SLC24A4: variants seen among roughly 807,000 people sequenced by gnomAD.
SLC24A4 encodes solute carrier family 24 member 4, also known as sodium/potassium/calcium exchanger 4.
Under a neutral mutation model 79.0 loss-of-function variants are expected in SLC24A4, and 53 were observed. The observed-to-expected ratio is 0.67, with a 90% CI of 0.54 to 0.84. The LOEUF is 0.84. Ranked by LOEUF, SLC24A4 falls within the 40% of genes least tolerant of loss-of-function variation. The probability of loss-of-function intolerance (pLI) is 0.00; values close to 1 mark genes in which losing one functional copy is unlikely to be tolerated. For synonymous variants in SLC24A4, 323 were observed against 323.8 expected, an observed-to-expected ratio of 1.00 and a Z score of 0.03; for missense variants, 731 against 822.0, an observed-to-expected ratio of 0.89 and a Z score of 1.35.
chr14:92,381,702 G>T (rs1365521472), intron 2 of SLC24A4, among the ~76,000 whole-genome samples: 1 of 152,072 alleles, frequency 6.6e-6, no homozygotes, highest in African/African-American at 2.4e-5. Context: ...TGCTTTGTTT[G>T]TATCCTTTTA....
At chr14:92,392,113 C>T (rs1243280513) in intron 2 of SLC24A4, among the ~76,000 whole-genome samples, 2 of 151,828 alleles carry the variant, frequency 1.3e-5, no homozygotes, top group African/African-American at 4.8e-5. Flanking sequence ...TTCCCGGGGC[C>T]CTATTGATGT....
At chr14:92,476,132 C>T (rs1325138314) in intron 12 of SLC24A4, among the ~76,000 whole-genome samples, 1 of 152,122 alleles carries the variant, frequency 6.6e-6, no homozygotes, top group East Asian at 1.9e-4. Flanking sequence ...TGTATATACC[C>T]GCAAAGACGT....
intron 2 of SLC24A4, among the ~76,000 whole-genome samples, chr14:92,401,131 CT>C (rs776809709): frequency 6.6e-6 from 1 of 152,276 alleles, no homozygotes; most frequent in Non-Finnish European, 1.5e-5. Flanking sequence ...GCTCATCCCC[CT>C]GTCTCATAAG....
At chr14:92,424,071 A>G (rs1891438298) in intron 2 of SLC24A4, among the ~76,000 whole-genome samples, 1 of 151,734 alleles carries the variant, frequency 6.6e-6, no homozygotes, top group Non-Finnish European at 1.5e-5. Context: ...TCGTCATCCC[A>G]TGCCTTGTTC....
At chr14:92,378,312 T>C (rs1337748882) in intron 2 of SLC24A4, among the ~76,000 whole-genome samples, 1 of 152,186 alleles carries the variant, frequency 6.6e-6, no homozygotes, top group Non-Finnish European at 1.5e-5. Flanking sequence ...AGAATAGAAT[T>C]GCTGGGTTGC....
At chr14:92,449,048 G>C (rs200909630) in intron 9 of SLC24A4, 26 bp from the exon 10 acceptor site, 11 of 1,613,060 alleles carry the variant, frequency 6.8e-6, no homozygotes, top group African/African-American at 6.7e-5. Flanking sequence ...CCATTGCCCT[G>C]ACCTCCTGCC....
At chr14:92,346,596 T>C (rs1259742210) in intron 2 of SLC24A4, among the ~76,000 whole-genome samples, 2 of 152,218 alleles carry the variant, frequency 1.3e-5, no homozygotes, top group Admixed American at 1.3e-4. Flanking sequence ...CAAGCTGTTA[T>C]TTATATTGCA....
At chr14:92,356,531 G>T (rs1296681907) in intron 2 of SLC24A4, among the ~76,000 whole-genome samples, 1 of 152,162 alleles carries the variant, frequency 6.6e-6, no homozygotes, top group Non-Finnish European at 1.5e-5. Flanking sequence ...GTGTGACCTT[G>T]GGCAAGTCAT....
At chr14:92,327,339 G>T (rs1885203164) in intron 2 of SLC24A4, among the ~76,000 whole-genome samples, 1 of 152,164 alleles carries the variant, frequency 6.6e-6, no homozygotes, top group African/African-American at 2.4e-5. Context: ...TGGTGGCCCA[G>T]CAGGCGGGGT....
rs1595231546 is a variant in SLC24A4, at chr14:92,407,078, A to G, written c.242-26834A>G. 2.0e-5 allele frequency among the ~76,000 whole-genome samples: 3 copies of G among 152,192 alleles called. No individual in the cohort carries two copies. In the East Asian group the frequency reaches 5.8e-4, roughly 29 times the overall value. On this transcript the variant is annotated intron_variant, in intron 2 of 16. Coordinates refer to ENST00000532405, the MANE Select transcript of SLC24A4 (RefSeq NM_153646.4). ...GCCACATCTTGAACACTTTGCTCTT[A>G]GGACTTTCTTTTGCTAGATACCCTA...
intron 2 of SLC24A4, among the ~76,000 whole-genome samples, chr14:92,327,493 C>G (rs1366344323): frequency 6.6e-6 from 1 of 152,230 alleles, no homozygotes; most frequent in East Asian, 1.9e-4. Context: ...TGCTGGGGGC[C>G]GTTCCCACCC....
chr14:92,377,357 C>T (rs1888574413), intron 2 of SLC24A4, among the ~76,000 whole-genome samples: 1 of 152,168 alleles, frequency 6.6e-6, no homozygotes, highest in Non-Finnish European at 1.5e-5. Context: ...CATAAAGTGC[C>T]TAGAGCATGA....
chr14:92,351,927 A>AGGAAG (rs1886913843), intron 2 of SLC24A4, among the ~76,000 whole-genome samples: 1 of 151,566 alleles, frequency 6.6e-6, no homozygotes, highest in Admixed American at 6.6e-5. Flanking sequence ...AGGAAAGGAA[A>AGGAAG]GGAAAGGAAA....
At chr14:92,326,226 T>C (rs867896079) in intron 2 of SLC24A4, among the ~76,000 whole-genome samples, 3 of 152,168 alleles carry the variant, frequency 2.0e-5, no homozygotes, top group Admixed American at 6.5e-5. Context: ...TGTTACTTTT[T>C]GTTCTCACAA....
intron 2 of SLC24A4, among the ~76,000 whole-genome samples, chr14:92,388,657 C>T (rs1889301130): frequency 6.6e-6 from 1 of 152,182 alleles, no homozygotes; most frequent in African/African-American, 2.4e-5. Flanking sequence ...CTCTGAGTAC[C>T]AAATGAGTAG....
At chr14:92,350,189 G>A (rs977424532) in intron 2 of SLC24A4, among the ~76,000 whole-genome samples, 10 of 152,188 alleles carry the variant, frequency 6.6e-5, no homozygotes, top group African/African-American at 2.2e-4. Flanking sequence ...GGTCATGTGC[G>A]GTTAAGTTCT....
intron 2 of SLC24A4, among the ~76,000 whole-genome samples, chr14:92,433,391 CA>C (rs574163923): frequency 7.2e-5 from 11 of 152,190 alleles, no homozygotes; most frequent in Non-Finnish European, 1.2e-4. Context: ...CTGTTATGAG[CA>C]ATATGGCTAT....
chr14:92,432,012 A>T (rs1891901142), intron 2 of SLC24A4, among the ~76,000 whole-genome samples: 1 of 152,214 alleles, frequency 6.6e-6, no homozygotes, highest in Non-Finnish European at 1.5e-5. Context: ...ACCTGAAAAC[A>T]GGAACGTTGA....
At chr14:92,333,198 A>G (rs1237618851) in intron 2 of SLC24A4, among the ~76,000 whole-genome samples, 1 of 152,036 alleles carries the variant, frequency 6.6e-6, no homozygotes, top group African/African-American at 2.4e-5. Flanking sequence ...GGTTCAAGCG[A>G]TTTTCCTGCC....
Sources: allele counts gnomAD v4.1 joint callset (sites outside exome capture counted in the v4.1 genomes callset), GRCh38; gene constraint gnomAD v4.1.1; transcripts MANE v1.5; gene names NCBI Gene and HGNC (gene_info 2026-07-23, HGNC 2026-07-21).